The following NINL variants were observed in gnomAD, a reference collection of about 807,000 sequenced individuals.
NINL encodes ninein-like protein.
Under a neutral mutation model 160.3 loss-of-function variants are expected in NINL, and 153 were observed. That is an observed-to-expected ratio of 0.95 (90% CI 0.84 to 1.09). The LOEUF (loss-of-function observed/expected upper bound fraction) is 1.09. Ranked by LOEUF, NINL falls within the 50% of genes least tolerant of loss-of-function variation. NINL has a pLI of 0.00. For synonymous variants in NINL, 800 were observed against 734.8 expected, an observed-to-expected ratio of 1.09 and a Z score of -1.43; for missense variants, 1,829 against 1,764.0, an observed-to-expected ratio of 1.04 and a Z score of -0.66.
Position 25,572,708 on chromosome 20 carries a change from T to C in NINL, c.-12+12747A>G, listed in dbSNP as rs75855986. Among the ~76,000 whole-genome samples the C allele has an allele frequency of 3.0e-3, 456 of 152,322 alleles. 18 individuals carry two copies. In the East Asian group the frequency reaches 0.081, roughly 27 times the overall value. ...GCATATAAGGTAGTTTTGATAGTTT[T>C]CTAAAAGTTTTTCCATGAAATAAGT... On this transcript the variant is annotated intron_variant, in intron 1 of 23. Coordinates refer to ENST00000278886, the MANE Select transcript of NINL (RefSeq NM_025176.6).
chr20:25,498,393 C>T, intron 8 of NINL, 47 bp from the exon 9 acceptor site: 1 of 1,603,538 alleles, frequency 6.2e-7, no homozygotes, highest in Non-Finnish European at 8.5e-7. Context: ...GGGACTTCCC[C>T]AAGCAGACAC....
intron 13 of NINL, among the ~76,000 whole-genome samples, chr20:25,487,746 T>G (rs1005004222): frequency 6.6e-6 from 1 of 152,246 alleles, no homozygotes; most frequent in Non-Finnish European, 1.5e-5. Context: ...TCGACCCAAC[T>G]CAACTCTAGT....
intron 1 of NINL, among the ~76,000 whole-genome samples, chr20:25,535,714 A>G (rs2064544746): frequency 6.6e-6 from 1 of 152,144 alleles, no homozygotes; most frequent in Admixed American, 6.5e-5. Context: ...TAAAGAAAGA[A>G]AAGTGTTCAA....
intron 13 of NINL, 92 bp downstream of exon 13, chr20:25,489,152 G>T: frequency 1.7e-6 from 2 of 1,203,084 alleles, no homozygotes; most frequent in South Asian, 2.4e-5. Flanking sequence ...GCTCTCCCTG[G>T]AGCAGACACT....
At chr20:25,565,416 G>A (rs1681868783) in intron 1 of NINL, among the ~76,000 whole-genome samples, 1 of 152,000 alleles carries the variant, frequency 6.6e-6, no homozygotes, top group Admixed American at 6.6e-5. Context: ...GGAGAGGGAA[G>A]AGAGGCAGGG....
At chr20:25,539,879 T>C in intron 1 of NINL, 1 of 373,916 alleles carries the variant, frequency 2.7e-6, no homozygotes, top group Non-Finnish European at 5.1e-6. Context: ...AAACGGAGCT[T>C]TCCCTGAACT....
intron 23 of NINL, 38 bp from the exon 24 acceptor site, chr20:25,453,680 G>A (rs372633499): frequency 3.2e-5 from 50 of 1,539,876 alleles, no homozygotes; most frequent in Non-Finnish European, 4.2e-5. Context: ...CATGAGGCCG[G>A]TGGAGAAACG....
chr20:25,580,507 G>T (rs1282457548), intron 1 of NINL, among the ~76,000 whole-genome samples: 1 of 152,156 alleles, frequency 6.6e-6, no homozygotes, highest in Admixed American at 6.6e-5. Context: ...CTATACAGCA[G>T]TCTTGAGGGA....
intron 19 of NINL, among the ~76,000 whole-genome samples, chr20:25,463,708 G>A (rs1168748172): frequency 1.3e-5 from 2 of 152,214 alleles, no homozygotes; most frequent in African/African-American, 4.8e-5. Context: ...CCACGCACAC[G>A]TCACCTTCCC....
At chr20:25,506,012 C>T (rs910412217) in intron 5 of NINL, among the ~76,000 whole-genome samples, 3 of 152,178 alleles carry the variant, frequency 2.0e-5, no homozygotes, top group African/African-American at 7.2e-5. Flanking sequence ...GCCTGTAATC[C>T]CAGCACTTTG....
chr20:25,517,247 C>A (rs904650344), intron 3 of NINL, among the ~76,000 whole-genome samples: 20 of 152,136 alleles, frequency 1.3e-4, no homozygotes, highest in African/African-American at 4.8e-4. Context: ...AAACACAACA[C>A]CCCTGCAAAA....
intron 14 of NINL, 195 bp downstream of exon 14, chr20:25,481,773 G>T: frequency 1.3e-6 from 1 of 762,204 alleles, no homozygotes; most frequent in Non-Finnish European, 2.1e-6. Context: ...TCCCTCTGCA[G>T]GTGACCTTCC....
chr20:25,512,958 TAC>T lies in NINL; in HGVS notation c.324_325del (p.Trp108Ter), dbSNP rs771893023. ...TAGCTCAGGCCGGCTCCGACGGCCATACCACTTAGAACCATTCACATACTTTG... is the reference window on the plus strand; with the variant it reads ...TAGCTCAGGCCGGCTCCGACGGCCATCACTTAGAACCATTCACATACTTTG... On this transcript the variant is annotated stop_gained and frameshift_variant, in exon 4 of 24. Coordinates refer to ENST00000278886, the MANE Select transcript of NINL (RefSeq NM_025176.6). LOFTEE classifies it high-confidence loss of function. 1.9e-6 allele frequency: 3 copies of T among 1,614,054 alleles called. No individual in the cohort carries two copies. Among genetic ancestry groups the T allele is most frequent in the South Asian group, 2.2e-5 (2 of 91,082 alleles).
intron 18 of NINL, among the ~76,000 whole-genome samples, chr20:25,468,631 G>GC (rs1264932295): frequency 8.0e-6 from 1 of 124,726 alleles, no homozygotes; most frequent in Non-Finnish European, 1.7e-5. Flanking sequence ...ACTGGTGGGC[G>GC]CCCCCCTGCC....
chr20:25,538,257 C>G (rs2064595775), intron 1 of NINL, among the ~76,000 whole-genome samples: 1 of 152,202 alleles, frequency 6.6e-6, no homozygotes, highest in Admixed American at 6.5e-5. Flanking sequence ...GCTTCTTCCT[C>G]TGAAAGCAGG....
In NINL at chr20:25,500,831, G is replaced by T; in HGVS notation, c.1032+9C>A. On this transcript the variant is annotated intron_variant, in intron 8 of 23. Coordinates refer to ENST00000278886, the MANE Select transcript of NINL (RefSeq NM_025176.6). ...CCCTGTCCAGCTTAGGCATCACCCA[G>T]TTCCAAACCTGCAAGATCTCCCTGC... 1.2e-6 allele frequency: 2 copies of T among 1,612,378 alleles called. No homozygotes were observed. Among genetic ancestry groups the T allele is most frequent in the Non-Finnish European group, 1.7e-6 (2 of 1,179,058 alleles).
chr20:25,537,939 C>T (rs2064589423), intron 1 of NINL, among the ~76,000 whole-genome samples: 1 of 152,218 alleles, frequency 6.6e-6, no homozygotes, highest in Non-Finnish European at 1.5e-5. Flanking sequence ...CTCGGTCTCT[C>T]TCCCTCCCGC....
At position 25,452,832 on chromosome 20, in the gene NINL, A is replaced by C. The variant is rs2090566452; in HGVS notation, c.*619T>G. 1 of 149,246 alleles carries C rather than the reference A, an allele frequency of 6.7e-6. No individual in the cohort carries two copies. Among genetic ancestry groups the C allele is most frequent in the Non-Finnish European group, 1.5e-5 (1 of 67,526 alleles). 9.2% of individuals were successfully genotyped at this position (149,246 alleles called of 1,614,324 possible). The stretch of plus-strand genomic sequence containing the variant: ...TATACTTTTTTTTTTTTTTACATAT[A>C]GTACAATTTCCAGTGTGATGACATT... On this transcript the variant is annotated 3_prime_UTR_variant, in exon 24 of 24. Transcript: ENST00000278886.
Position 25,476,272 on chromosome 20 carries a change from G to A in NINL, c.3019C>T (p.Pro1007Ser). ...TCCACACTGTGCTTGTGACACCCAG[G>A]CTCCAGGGCGCCCTCGGCCCGGGCC... ...QQARAEGALEPGCHKHSVEVA... is the reference protein window; with the variant it reads ...QQARAEGALESGCHKHSVEVA... The change falls in exon 17 of 24, where the codon CCT (proline) becomes TCT (serine). Residue 1007 changes from proline (P) to serine (S), a missense_variant. Coordinates refer to ENST00000278886, the MANE Select transcript of NINL (RefSeq NM_025176.6). The A allele has an allele frequency of 6.2e-7, 1 of 1,613,646 alleles. No individual in the cohort carries two copies. The highest frequency in any genetic ancestry group is 8.5e-7 in the Non-Finnish European group (1 of 1,179,948).
Sources: gnomAD v4.1 joint callset for allele counts (sites outside exome capture counted in the v4.1 genomes callset) on GRCh38, gnomAD v4.1.1 for gene constraint, MANE v1.5 for transcripts, NCBI Gene and HGNC (gene_info 2026-07-23, HGNC 2026-07-21) for gene names.